SUGCT: variants seen among roughly 807,000 people sequenced by gnomAD.
The protein encoded by SUGCT is succinyl-CoA:glutarate-CoA transferase.
In SUGCT, 41 loss-of-function variants were observed where a neutral mutation model predicts 55.0. The observed-to-expected ratio is 0.74, with a 90% CI of 0.58 to 0.97. The LOEUF (loss-of-function observed/expected upper bound fraction) is 0.97. SUGCT is among the 50% of genes least tolerant of loss of function. SUGCT has a pLI of 0.00. For synonymous variants in SUGCT, 187 were observed against 200.4 expected (o/e 0.93, Z 0.56); for missense variants, 568 against 547.8 (o/e 1.04, Z -0.37).
At chr7:40,313,308 A>C (rs546422688) in intron 8 of SUGCT, among the ~76,000 whole-genome samples, 195 of 152,348 alleles carry the variant, frequency 1.3e-3, no homozygotes, top group South Asian at 0.011. Flanking sequence ...TTTAGAATGC[A>C]TATACAGTAT....
At chr7:40,652,085 TC>T (rs1459040523) in intron 12 of SUGCT, among the ~76,000 whole-genome samples, 1 of 152,212 alleles carries the variant, frequency 6.6e-6, no homozygotes, top group Non-Finnish European at 1.5e-5. Context: ...TGTTATGAAG[TC>T]TTTTATTCTT....
At position 40,143,226 on chromosome 7, in the gene SUGCT, C is replaced by T. The variant is rs919721475; in HGVS notation, c.100+8106C>T. On this transcript the variant is annotated intron_variant, in intron 1 of 13. Coordinates refer to ENST00000335693, the MANE Select transcript of SUGCT (RefSeq NM_001193313.2). ...GTCCTCCATAATCCCACCATACATC[C>T]GCTTAGGGATGAATAAGGGCAGACT... is the stretch of plus-strand genomic sequence containing the variant. Among the ~76,000 whole-genome samples the T allele has an allele frequency of 5.3e-5, 8 of 152,166 alleles. 1 individual carries two copies. In the South Asian group the frequency reaches 8.3e-4, roughly 16 times the overall value.
chr7:40,548,504 T>C (rs903914705), intron 12 of SUGCT, among the ~76,000 whole-genome samples: 2 of 152,180 alleles, frequency 1.3e-5, no homozygotes, highest in African/African-American at 2.4e-5. Flanking sequence ...AACTTTTTCT[T>C]TTTTTAGTAG....
At chr7:40,267,805 G>C (rs957945422) in intron 7 of SUGCT, among the ~76,000 whole-genome samples, 3 of 152,016 alleles carry the variant, frequency 2.0e-5, no homozygotes, top group African/African-American at 7.2e-5. Context: ...TTATTTCTCT[G>C]GCATTCTGAC....
chr7:40,748,221 T>G (rs1787831547), intron 12 of SUGCT, among the ~76,000 whole-genome samples: 1 of 152,048 alleles, frequency 6.6e-6, no homozygotes, highest in Admixed American at 6.6e-5. Flanking sequence ...CTGAGTGTAT[T>G]TAGATTTAGT....
intron 11 of SUGCT, among the ~76,000 whole-genome samples, chr7:40,488,457 G>A (rs1657777040): frequency 6.6e-6 from 1 of 152,038 alleles, no homozygotes; most frequent in Non-Finnish European, 1.5e-5. Flanking sequence ...AGTTGTTATT[G>A]TTTTTAATAG....
chr7:40,937,014 A>G, the SUGCT span, among the ~76,000 whole-genome samples: 1 of 152,100 alleles, frequency 6.6e-6, no homozygotes. Flanking sequence ...TTTATGCCCT[A>G]CCATGTTCTT....
At chr7:40,182,146 A>G in intron 3 of SUGCT, 118 bp downstream of exon 3, 1 of 625,310 alleles carries the variant, frequency 1.6e-6, no homozygotes, top group Non-Finnish European at 2.8e-6. Flanking sequence ...TTAAAATGAA[A>G]TGATTGTCTT....
chr7:40,248,888 G>GCGCGCACA (rs774950218), intron 7 of SUGCT, among the ~76,000 whole-genome samples: 6 of 135,578 alleles, frequency 4.4e-5, no homozygotes, highest in African/African-American at 1.1e-4. Context: ...GCGCGCGCTC[G>GCGCGCACA]CACACACACA....
At chr7:40,748,248 G>T (rs576905981) in intron 12 of SUGCT, among the ~76,000 whole-genome samples, 53 of 152,184 alleles carry the variant, frequency 3.5e-4, no homozygotes, top group African/African-American at 1.2e-3. Context: ...AATGTTTAAA[G>T]ATTGGGTTTA....
intron 13 of SUGCT, among the ~76,000 whole-genome samples, chr7:40,821,314 G>T (rs953671898): frequency 5.3e-5 from 8 of 152,054 alleles, no homozygotes; most frequent in Non-Finnish European, 1.5e-5. Flanking sequence ...TTTTTCTATT[G>T]ATTGGAATAG....
chr7:40,387,354 T>TGGC (rs2151294231), intron 9 of SUGCT, among the ~76,000 whole-genome samples: 1 of 152,258 alleles, frequency 6.6e-6, no homozygotes, highest in South Asian at 2.1e-4. Flanking sequence ...ATCGGATACA[T>TGGC]GGCCCACATG....
chr7:40,332,293 G>A (rs1796353822), intron 9 of SUGCT, among the ~76,000 whole-genome samples: 1 of 152,144 alleles, frequency 6.6e-6, no homozygotes, highest in Non-Finnish European at 1.5e-5. Flanking sequence ...TGCCACTGAT[G>A]AAGAATGATG....
At chr7:40,282,425 GC>G (rs1264440898) in intron 8 of SUGCT, among the ~76,000 whole-genome samples, 22 of 152,012 alleles carry the variant, frequency 1.4e-4, no homozygotes, top group African/African-American at 5.3e-4. Flanking sequence ...CTGAGGTTGC[GC>G]CAGTGCACTC....
chr7:40,906,079 G>C, the SUGCT span, among the ~76,000 whole-genome samples: 1 of 151,348 alleles, frequency 6.6e-6, no homozygotes, highest in Admixed American at 6.6e-5. Flanking sequence ...CATTCATACT[G>C]TTGTGCAACC....
At chr7:40,274,418 TTC>T in intron 7 of SUGCT, 93 bp from the exon 8 acceptor site, 1 of 1,335,272 alleles carries the variant, frequency 7.5e-7, no homozygotes, top group Non-Finnish European at 1.0e-6. Context: ...TAATAGACAA[TTC>T]TTTTTTCTAT....
At chr7:40,511,968 A>G (rs1391912020) in intron 12 of SUGCT, among the ~76,000 whole-genome samples, 2 of 152,218 alleles carry the variant, frequency 1.3e-5, no homozygotes, top group Non-Finnish European at 2.9e-5. Flanking sequence ...GTTCAAATCA[A>G]ATCTATTCTC....
At chr7:40,354,427 A>G (rs572959928) in intron 9 of SUGCT, among the ~76,000 whole-genome samples, 1 of 152,306 alleles carries the variant, frequency 6.6e-6, no homozygotes, top group African/African-American at 2.4e-5. Context: ...TGTGGAGGAG[A>G]GGCCACCTGG....
chr7:40,667,734 C>T (rs75592257), intron 12 of SUGCT, among the ~76,000 whole-genome samples: 4,412 of 152,120 alleles, frequency 0.029, 209 homozygotes, highest in African/African-American at 0.1. Flanking sequence ...TTTGTATGCA[C>T]AGAGATGTTC....
Sources: gnomAD v4.1 joint callset for allele counts (sites outside exome capture counted in the v4.1 genomes callset) on GRCh38, gnomAD v4.1.1 for gene constraint, MANE v1.5 for transcripts, NCBI Gene and HGNC (gene_info 2026-07-23, HGNC 2026-07-21) for gene names.